Variants in DMD observed in about 807,000 individuals in gnomAD.
DMD encodes mutant dystrophin.
In DMD, 63 loss-of-function variants were observed where a neutral mutation model predicts 330.1. The observed-to-expected ratio is 0.19, with a 90% CI of 0.16 to 0.24. The LOEUF (loss-of-function observed/expected upper bound fraction) is 0.24. DMD is among the 10% of genes least tolerant of loss of function. DMD has a pLI of 1.00. For synonymous variants in DMD, 1,223 were observed against 959.8 expected (o/e 1.27, Z -5.07); for missense variants, 3,344 against 2,684.1 (o/e 1.25, Z -5.43).
At chrX:33,315,380 T>C (rs1462220656) in intron 1 of DMD, among the ~76,000 whole-genome samples, 8 of 112,302 alleles carry the variant, frequency 7.1e-5, no homozygotes, top group African/African-American at 2.3e-4. Flanking sequence ...TAGGTTACAC[T>C]GTATCAGTTT....
At chrX:31,593,165 G>GA (rs1250888027) in intron 55 of DMD, among the ~76,000 whole-genome samples, 2 of 111,289 alleles carry the variant, frequency 1.8e-5, no homozygotes, top group Admixed American at 9.6e-5. Context: ...ACCGCATATA[G>GA]AAAATCTAAA....
intron 59 of DMD, among the ~76,000 whole-genome samples, chrX:31,472,312 G>C: frequency 8.9e-6 from 1 of 112,065 alleles, no homozygotes; most frequent in Middle Eastern, 4.6e-3. Context: ...TATAAGAAAA[G>C]ATAAGTTTTC....
chrX:31,641,063 A>T (rs2079709284), intron 54 of DMD, among the ~76,000 whole-genome samples: 1 of 112,336 alleles, frequency 8.9e-6, no homozygotes, highest in South Asian at 3.7e-4. Context: ...GAGTGGGCTG[A>T]GATAGAAGAC....
chrX:31,789,955 G>T (rs1297185943), intron 50 of DMD, among the ~76,000 whole-genome samples: 1 of 111,529 alleles, frequency 9.0e-6, no homozygotes, highest in African/African-American at 3.3e-5. Context: ...CTATACATGT[G>T]CATAGTTTTG....
chrX:31,822,963 A>G (rs1451289092), intron 49 of DMD, among the ~76,000 whole-genome samples: 1 of 110,878 alleles, frequency 9.0e-6, no homozygotes, highest in African/African-American at 3.3e-5. Flanking sequence ...AGCTCATTAC[A>G]GACGCCCCTT....
chrX:32,702,984 A>G (rs770361573), intron 7 of DMD, among the ~76,000 whole-genome samples: 2 of 111,340 alleles, frequency 1.8e-5, no homozygotes, highest in South Asian at 3.8e-4. Flanking sequence ...AATCTACCCT[A>G]TTTATTCATT....
intron 60 of DMD, among the ~76,000 whole-genome samples, chrX:31,418,199 C>A (rs1037668381): frequency 9.0e-6 from 1 of 110,688 alleles, no homozygotes; most frequent in East Asian, 2.8e-4. Context: ...GATATCAAGG[C>A]GCTGGCAGAT....
Position 31,499,169 on chromosome X carries a change from T to C in DMD, c.8391-2225A>G, listed in dbSNP as rs144584018. On this transcript the variant is annotated intron_variant, in intron 56 of 78. Transcript: ENST00000357033. ...AAGACACTGATTAAATAAATATTTA[T>C]TGACTGCCCCTAAGTCTCTAGGATA... 6.1e-3 allele frequency among the ~76,000 whole-genome samples: 684 copies of C among 111,539 alleles called. 5 individuals are homozygous for C. The highest frequency in any genetic ancestry group is 0.021 in the African/African-American group (640 of 30,703).
At chrX:32,659,196 G>A (rs929491613) in intron 9 of DMD, among the ~76,000 whole-genome samples, 3 of 111,892 alleles carry the variant, frequency 2.7e-5, no homozygotes, top group Non-Finnish European at 5.7e-5. Flanking sequence ...TTTTCTCCAA[G>A]GACATTAGCT....
At chrX:33,177,281 C>T (rs1015885560) in intron 1 of DMD, among the ~76,000 whole-genome samples, 1 of 112,326 alleles carries the variant, frequency 8.9e-6, no homozygotes, top group Admixed American at 9.4e-5. Flanking sequence ...GGGTGTGCTA[C>T]CTGGTGATGG....
rs767063127 is a variant in DMD at position 32,491,399 on chromosome X, C to T, written c.2500G>A (p.Ala834Thr). 3 of 1,211,503 alleles carry T rather than the reference C, an allele frequency of 2.5e-6. No individual in the cohort carries two copies. Among genetic ancestry groups the T allele is most frequent in the South Asian group, 1.8e-5 (1 of 56,994 alleles). The change falls in exon 20 of 79, where the codon GCT (alanine) becomes ACT (threonine). Residue 834 changes from alanine (A) to threonine (T), a missense_variant. Transcript: ENST00000357033. Reference protein sequence around the residue: ...NWLEYQNNIIAFYNQLQQLEQ... With the variant: ...NWLEYQNNIITFYNQLQQLEQ... ...AATTGTTGTAGCTGATTATAGAAAGCGATGATGTTGTTCTGATACTCCAGC... is the reference window on the plus strand; with the variant it reads ...AATTGTTGTAGCTGATTATAGAAAGTGATGATGTTGTTCTGATACTCCAGC...
chrX:32,977,105 A>G (rs776507235), intron 2 of DMD, among the ~76,000 whole-genome samples: 1 of 111,065 alleles, frequency 9.0e-6, no homozygotes, highest in South Asian at 3.9e-4. Context: ...CAGCCTGGCC[A>G]ACGTGGCAAA....
At chrX:32,361,293 T>A (rs1230591870) in intron 37 of DMD, among the ~76,000 whole-genome samples, 5 of 111,617 alleles carry the variant, frequency 4.5e-5, no homozygotes, top group Admixed American at 9.7e-5. Context: ...CTTTCAAAAC[T>A]TTAATCAATT....
chrX:32,123,201 G>GTATATATATATATATA (rs2096644759), intron 44 of DMD, among the ~76,000 whole-genome samples: 1 of 19,390 alleles, frequency 5.2e-5, no homozygotes, highest in Non-Finnish European at 7.9e-5. Flanking sequence ...TTGTGAGCAT[G>GTATATATATATATATA]CATATATATA....
At position 32,053,289 on chromosome X, in the gene DMD, T is replaced by C. The variant is rs184010130; in HGVS notation, c.6439-84775A>G. Among the ~76,000 whole-genome samples, 330 of 111,207 alleles carry C rather than the reference T, an allele frequency of 3.0e-3. 1 individual carries two copies. Among genetic ancestry groups the C allele is most frequent in the African/African-American group, 0.01 (321 of 30,579 alleles). ...TAGACAGTTTCAGCTCATTGCTTTG[T>C]GATGCTCAAAATACTATGGAGAATA... On this transcript the variant is annotated intron_variant, in intron 44 of 78. Transcript: ENST00000357033.
intron 76 of DMD, among the ~76,000 whole-genome samples, chrX:31,138,662 A>T (rs1312618819): frequency 5.8e-5 from 5 of 86,306 alleles, no homozygotes; most frequent in African/African-American, 1.9e-4. Context: ...AGAGAGAGAG[A>T]GAGAGAGAGA....
rs1293510827 is a variant in DMD at position 32,643,993 on chromosome X, C to G, written c.1331+139G>C. 19 of 525,079 alleles carry G rather than the reference C, an allele frequency of 3.6e-5. No individual in the cohort carries two copies. In the East Asian group the frequency reaches 6.9e-4, roughly 19 times the overall value. 43.3% of individuals were successfully genotyped at this position (525,079 alleles called of 1,213,427 possible). A position where few individuals can be genotyped will look rare whatever the true frequency, so the allele number is the denominator to read the frequency against. ...CCAAAATGTTATTTCTATGAAAATC[C>G]AACCAGTCTCCCTTGAAAGAAAGCT... On this transcript the variant is annotated intron_variant, in intron 11 of 78. Transcript: ENST00000357033.
intron 63 of DMD, among the ~76,000 whole-genome samples, chrX:31,253,002 T>C (rs911820916): frequency 1.8e-5 from 2 of 110,911 alleles, no homozygotes; most frequent in Non-Finnish European, 3.8e-5. Flanking sequence ...AAAAAAAAAA[T>C]TAAATTAATA....
chrX:32,913,947 C>T (rs2087538525), intron 2 of DMD, among the ~76,000 whole-genome samples: 1 of 111,802 alleles, frequency 8.9e-6, no homozygotes, highest in South Asian at 3.8e-4. Flanking sequence ...GAATAATACA[C>T]TCACTATTGT....
Sources: allele counts gnomAD v4.1 joint callset (sites outside exome capture counted in the v4.1 genomes callset), GRCh38; gene constraint gnomAD v4.1.1; transcripts MANE v1.5; gene names NCBI Gene and HGNC (gene_info 2026-07-23, HGNC 2026-07-21).